Variants in SOD2 observed in about 807,000 individuals in gnomAD.
The protein encoded by SOD2 is superoxide dismutase [Mn], mitochondrial.
A neutral mutation model predicts 27.0 loss-of-function variants in SOD2; 11 were observed. The ratio of observed to expected loss-of-function variants is 0.41; its 90% CI spans 0.26 to 0.67. The LOEUF (loss-of-function observed/expected upper bound fraction) is 0.67. Ranked by LOEUF, SOD2 falls within the 30% of genes least tolerant of loss-of-function variation. The probability of loss-of-function intolerance (pLI) is 0.34; values close to 1 mark genes in which losing one functional copy is unlikely to be tolerated. For missense variants in SOD2, 250 were observed against 274.5 expected (o/e 0.91, Z 0.63); for synonymous variants, 105 against 103.0 (o/e 1.02, Z -0.12).
At chr6:159,693,294 G>C, upstream of SOD2, 2 of 715,920 alleles carry the variant, frequency 2.8e-6, no homozygotes, top group Non-Finnish European at 2.1e-6. Flanking sequence ...GCAGGGCCGC[G>C]ACCCCAGCTG....
chr6:159,722,616 CT>C (rs757785727), intron 1 of SOD2, among the ~76,000 whole-genome samples: 8 of 152,236 alleles, frequency 5.3e-5, no homozygotes, highest in Non-Finnish European at 8.8e-5. Flanking sequence ...AATTTGCCCC[CT>C]GGGAGATCCT....
At chr6:159,699,526 T>C (rs905029423) in intron 1 of SOD2, among the ~76,000 whole-genome samples, 1 of 151,830 alleles carries the variant, frequency 6.6e-6, no homozygotes, top group South Asian at 2.1e-4. Flanking sequence ...TTTATGGAAA[T>C]GGACACCACC....
At chr6:159,740,063 T>C (rs1779157935) in intron 1 of SOD2, among the ~76,000 whole-genome samples, 1 of 152,110 alleles carries the variant, frequency 6.6e-6, no homozygotes, top group South Asian at 2.1e-4. Flanking sequence ...CAGGCTGGTC[T>C]TGAATGCCTG....
At chr6:159,692,587 C>A (rs753225413) in intron 2 of SOD2, 74 bp downstream of exon 2, 4 of 1,592,652 alleles carry the variant, frequency 2.5e-6, no homozygotes, top group Non-Finnish European at 2.6e-6. Context: ...CGGAGAGGCC[C>A]GTCCGTATGG....
rs1779702716 is a variant in SOD2, at chr6:159,673,028, C to G, written c.*9465G>C. 6.6e-6 allele frequency: 1 copy of G among 152,174 alleles called. No homozygotes were observed. Among genetic ancestry groups the G allele is most frequent in the African/African-American group, 2.4e-5 (1 of 41,444 alleles). 9.4% of individuals were successfully genotyped at this position (152,174 alleles called of 1,614,324 possible). On this transcript the variant is annotated 3_prime_UTR_variant, in exon 5 of 5. Transcript: ENST00000538183. ...GGCCATTACATGATAGTAAAGGGAT[C>G]AATTCAACAAGAAGAGCTAACTATC... is the stretch of plus-strand genomic sequence containing the variant.
At chr6:159,749,313 A>G (rs1779737559), upstream of SOD2, 1 of 985,704 alleles carries the variant, frequency 1.0e-6, no homozygotes, top group Admixed American at 6.2e-5. Context: ...CAACAGGCAC[A>G]TGTTTAAAAG....
At chr6:159,727,665 A>C (rs564156087), upstream of SOD2, 1 of 985,264 alleles carries the variant, frequency 1.0e-6, no homozygotes, top group Non-Finnish European at 1.2e-6. Flanking sequence ...GCCTCGGCCT[A>C]TGCGACCGGT....
At chr6:159,701,832 A>G (rs900383330) in intron 1 of SOD2, among the ~76,000 whole-genome samples, 1 of 152,160 alleles carries the variant, frequency 6.6e-6, no homozygotes. Context: ...TGTATATTCT[A>G]TGAGTCATTT....
At chr6:159,727,900 C>T (rs996635133), upstream of SOD2, among the ~76,000 whole-genome samples, 6 of 152,350 alleles carry the variant, frequency 3.9e-5, no homozygotes, top group Non-Finnish European at 5.9e-5. Context: ...GCCATTTTAT[C>T]TCTGTCCTCC....
chr6:159,725,942 GT>G (rs1421897007), intron 1 of SOD2: 1 of 152,100 alleles, frequency 6.6e-6, no homozygotes, highest in Non-Finnish European at 1.5e-5. Flanking sequence ...GTTGCATTGT[GT>G]TCTACTGTAT....
chr6:159,714,573 A>G (rs1350753701), intron 1 of SOD2, among the ~76,000 whole-genome samples: 1 of 152,152 alleles, frequency 6.6e-6, no homozygotes, highest in Admixed American at 6.5e-5. Flanking sequence ...GCCAGGCGGT[A>G]CTCTTTCCCA....
Position 159,702,676 on chromosome 6 carries a change from A to G in SOD2, c.-115-9813T>C, listed in dbSNP as rs199708481. 8.0e-3 allele frequency among the ~76,000 whole-genome samples: 1,148 copies of G among 143,082 alleles called. 22 individuals carry two copies. The highest frequency in any genetic ancestry group is 0.03 in the African/African-American group (1,084 of 36,388). The allele number at this position is 143,082 out of a possible 152,430, so 93.9% of individuals were successfully genotyped here. On this transcript the variant is annotated intron_variant, in intron 1 of 2. Coordinates refer to the SOD2 transcript ENST00000401980. ...CTCCAAAAAAAAAAAAAAAAAAAAA[A>G]AAAGAAAGAAAGAAAGAAAGAAAAA... is the stretch of plus-strand genomic sequence containing the variant.
In SOD2 at chr6:159,673,129, G is replaced by A. The variant is rs1316966306; in HGVS notation, c.*9364C>T. On this transcript the variant is annotated 3_prime_UTR_variant, in exon 5 of 5. Coordinates refer to ENST00000538183, the MANE Select transcript of SOD2 (RefSeq NM_000636.4). Reference sequence around the variant, plus strand: ...CCTTAGAGACCTACAAAGAGATTTAGACTCCCACACAATAACAATGGGAGA... The same window carrying A: ...CCTTAGAGACCTACAAAGAGATTTAAACTCCCACACAATAACAATGGGAGA... 6.6e-6 allele frequency: 1 copy of A among 152,096 alleles called. No homozygotes were observed. The highest frequency in any genetic ancestry group is 1.9e-4 in the East Asian group (1 of 5,194). 9.4% of individuals were successfully genotyped at this position (152,096 alleles called of 1,614,324 possible). A position where few individuals can be genotyped will look rare whatever the true frequency, so the allele number is the denominator to read the frequency against.
At chr6:159,756,993 A>G (rs966457204) in intron 1 of SOD2, among the ~76,000 whole-genome samples, 5 of 152,166 alleles carry the variant, frequency 3.3e-5, no homozygotes, top group African/African-American at 1.2e-4. Context: ...TTTGTTTTAA[A>G]ACGCTGGCCA....
chr6:159,728,110 C>A (rs528877918), upstream of SOD2, among the ~76,000 whole-genome samples: 8 of 152,372 alleles, frequency 5.3e-5, no homozygotes, highest in Admixed American at 4.6e-4. Flanking sequence ...AAGAAACATT[C>A]GTTCCCTACA....
At chr6:159,761,317 G>A (rs1222251363) in exon 1 of SOD2, 1 of 273,472 alleles carries the variant, frequency 3.7e-6, no homozygotes, top group African/African-American at 2.3e-5. Context: ...TGGGAAGTCA[G>A]AAAGGGTTTT....
In SOD2 at chr6:159,681,932, C is replaced by T. The variant is rs1320579324; in HGVS notation, c.*561G>A. On this transcript the variant is annotated 3_prime_UTR_variant, in exon 5 of 5. Transcript: ENST00000538183. ...CTGTGCAGGTGAGCAAACCCCAGTT[C>T]AGTTCACCTGCTACATTTAAACAGT... 6.6e-6 allele frequency: 1 copy of T among 152,180 alleles called. No homozygotes were observed. The highest frequency in any genetic ancestry group is 1.5e-5 in the Non-Finnish European group (1 of 68,032). The allele number at this position is 152,180 out of a possible 1,614,324, so 9.4% of individuals were successfully genotyped here. A position where few individuals can be genotyped will look rare whatever the true frequency, so the allele number is the denominator to read the frequency against.
At chr6:159,761,426 G>C (rs1342399447) in exon 1 of SOD2, 4 of 429,158 alleles carry the variant, frequency 9.3e-6, no homozygotes, top group Non-Finnish European at 1.9e-5. Context: ...GTCCTCACCC[G>C]TTCACAGCCA....
chr6:159,744,136 A>C (rs779307757), intron 1 of SOD2, among the ~76,000 whole-genome samples: 1 of 152,214 alleles, frequency 6.6e-6, no homozygotes, highest in Non-Finnish European at 1.5e-5. Context: ...TGATTAGGAA[A>C]GCCATCTGAG....
Sources: gnomAD v4.1 joint callset for allele counts (sites outside exome capture counted in the v4.1 genomes callset) on GRCh38, gnomAD v4.1.1 for gene constraint, MANE v1.5 for transcripts, NCBI Gene and HGNC (gene_info 2026-07-23, HGNC 2026-07-21) for gene names.